Variants in DYNC2I1 observed in about 807,000 individuals in gnomAD.
The protein encoded by DYNC2I1 is dynein 2 intermediate chain 1, also known as cytoplasmic dynein 2 intermediate chain 1.
DYNC2I1 carries 89 observed loss-of-function variants against 133.4 expected under a neutral mutation model. The ratio of observed to expected loss-of-function variants is 0.67; its 90% CI spans 0.56 to 0.80. The LOEUF (loss-of-function observed/expected upper bound fraction) is 0.80, where lower values mean the gene tolerates loss of function less well. Among genes scored for constraint, DYNC2I1 ranks in the 30% least tolerant of loss-of-function variants. DYNC2I1 has a pLI of 0.00. For synonymous variants in DYNC2I1, 504 were observed against 484.3 expected, an observed-to-expected ratio of 1.04 and a Z score of -0.54; for missense variants, 1,291 against 1,314.5, an observed-to-expected ratio of 0.98 and a Z score of 0.28.
At chr7:158,881,286 G>C (rs762709130) in intron 5 of DYNC2I1, among the ~76,000 whole-genome samples, 1 of 152,122 alleles carries the variant, frequency 6.6e-6, no homozygotes, top group Admixed American at 6.5e-5. Context: ...CAGGGCGTTG[G>C]CCGTGTTTCT....
chr7:158,910,172 G>A (rs76985304), intron 11 of DYNC2I1, among the ~76,000 whole-genome samples: 88 of 152,382 alleles, frequency 5.8e-4, no homozygotes, highest in Admixed American at 5.7e-3. Flanking sequence ...TAATGTTAGG[G>A]TGAAACTTAG....
At chr7:158,879,298 A>G (rs1375306916) in intron 4 of DYNC2I1, among the ~76,000 whole-genome samples, 2 of 152,076 alleles carry the variant, frequency 1.3e-5, no homozygotes, top group Non-Finnish European at 2.9e-5. Context: ...TAACATTTAT[A>G]AAGACAGCAC....
In DYNC2I1 at chr7:158,906,067, G is replaced by A. The variant is rs1299486002; in HGVS notation, c.1436G>A (p.Ser479Asn). The change falls in exon 11 of 25, where the codon AGT (serine) becomes AAT (asparagine). Residue 479 changes from serine to asparagine, a missense_variant. Transcript: ENST00000407559. ...DFASASHRQKSRTQALKQKMR... is the reference protein window; with the variant it reads ...DFASASHRQKNRTQALKQKMR... ...GCCTCAGCTTCACACCGTCAAAAGA[G>A]TCGGACTCAGGCCCTTAAGCAAAAG... The A allele has an allele frequency of 1.2e-6, 2 of 1,613,714 alleles. No homozygotes were observed. The highest frequency in any genetic ancestry group is 1.1e-5 in the South Asian group (1 of 90,982).
At chr7:158,856,811 C>A in intron 1 of DYNC2I1, 61 bp downstream of exon 1, 1 of 1,227,202 alleles carries the variant, frequency 8.1e-7, no homozygotes, top group Non-Finnish European at 1.0e-6. Context: ...CTTCGGGCGC[C>A]GCTAGCAGCG....
chr7:158,930,357 G>C (rs916306668), intron 20 of DYNC2I1, 98 bp from the exon 21 acceptor site: 9 of 1,033,948 alleles, frequency 8.7e-6, no homozygotes, highest in Non-Finnish European at 1.3e-5. Context: ...TCCTAACACA[G>C]ATATTTAAGC....
At chr7:158,895,388 A>C (rs1218474461) in intron 8 of DYNC2I1, among the ~76,000 whole-genome samples, 2 of 152,170 alleles carry the variant, frequency 1.3e-5, no homozygotes, top group African/African-American at 4.8e-5. Context: ...TTTTTTGTGG[A>C]GACTATCATT....
At chr7:158,911,253 G>A (rs778197982) in intron 11 of DYNC2I1, among the ~76,000 whole-genome samples, 3 of 152,204 alleles carry the variant, frequency 2.0e-5, no homozygotes, top group Non-Finnish European at 4.4e-5. Context: ...TGTGTGACTT[G>A]ATTTTGTGTT....
At chr7:158,950,671 C>T (rs1852026828), downstream of DYNC2I1, among the ~76,000 whole-genome samples, 2 of 146,642 alleles carry the variant, frequency 1.4e-5, no homozygotes, top group East Asian at 2.1e-4. Context: ...CTATATGATT[C>T]CAGGTGTGAT....
intron 11 of DYNC2I1, among the ~76,000 whole-genome samples, chr7:158,907,623 C>G (rs767551799): frequency 6.6e-6 from 1 of 151,022 alleles, no homozygotes; most frequent in Admixed American, 6.6e-5. Context: ...ACGTCTTCTG[C>G]TTTTGAGACA....
intron 17 of DYNC2I1, among the ~76,000 whole-genome samples, chr7:158,925,950 C>G (rs1185939467): frequency 6.6e-6 from 1 of 152,156 alleles, no homozygotes; most frequent in Non-Finnish European, 1.5e-5. Context: ...GCCTTCCAGA[C>G]TGGAGAGCAG....
At chr7:158,864,918 A>G (rs1842265830) in intron 1 of DYNC2I1, among the ~76,000 whole-genome samples, 1 of 152,228 alleles carries the variant, frequency 6.6e-6, no homozygotes, top group Non-Finnish European at 1.5e-5. Flanking sequence ...TTAGAAAGCA[A>G]GGGGAGAAGC....
intron 15 of DYNC2I1, among the ~76,000 whole-genome samples, chr7:158,920,806 C>G (rs1370248447): frequency 2.0e-5 from 3 of 152,198 alleles, no homozygotes; most frequent in Admixed American, 2.0e-4. Context: ...CAGAATTTGA[C>G]TCACATTAGA....
chr7:158,885,748 A>T (rs973357027), intron 6 of DYNC2I1, among the ~76,000 whole-genome samples: 2 of 152,172 alleles, frequency 1.3e-5, no homozygotes, highest in African/African-American at 4.8e-5. Context: ...TCTTACCCAA[A>T]TTTTTACAAG....
chr7:158,883,519 C>T (rs917670110), intron 5 of DYNC2I1, among the ~76,000 whole-genome samples: 3 of 151,468 alleles, frequency 2.0e-5, no homozygotes, highest in African/African-American at 7.3e-5. Context: ...TGCCTGGCCT[C>T]TATATGATTT....
chr7:158,874,734 G>GT (rs1420120102), intron 3 of DYNC2I1, among the ~76,000 whole-genome samples: 1 of 152,134 alleles, frequency 6.6e-6, no homozygotes, highest in Non-Finnish European at 1.5e-5. Flanking sequence ...TTTAAATACT[G>GT]TTTGTCTGTG....
chr7:158,938,605 A>C lies in DYNC2I1; in HGVS notation c.2779-3320A>C, dbSNP rs60338972. 5.8e-3 allele frequency among the ~76,000 whole-genome samples: 878 copies of C among 152,248 alleles called. 57 individuals carry two copies. The East Asian group carries it at 0.13, about 22-fold the overall frequency. ...AATATGTCTCTACTAAAAATATAAA[A>C]ATTAGCCAGATGTGGTGGCGGGCAC... On this transcript the variant is annotated intron_variant, in intron 23 of 24. Transcript: ENST00000407559.
chr7:158,850,964 G>A, the DYNC2I1 span, among the ~76,000 whole-genome samples: 4 of 151,596 alleles, frequency 2.6e-5, no homozygotes, highest in Non-Finnish European at 4.4e-5. Context: ...CTGCTTGGTC[G>A]TGAATGACAG....
intron 2 of DYNC2I1, among the ~76,000 whole-genome samples, chr7:158,870,853 T>C (rs1163292313): frequency 6.6e-6 from 1 of 152,156 alleles, no homozygotes; most frequent in Admixed American, 6.5e-5. Flanking sequence ...CACCCTCTAA[T>C]ACACGTAGTA....
intron 23 of DYNC2I1, among the ~76,000 whole-genome samples, chr7:158,940,185 A>AT (rs756351923): frequency 6.6e-5 from 10 of 152,078 alleles, no homozygotes; most frequent in Non-Finnish European, 4.4e-5. Flanking sequence ...TGTGGAAGAC[A>AT]TTTTTTCCCA....
Sources: allele counts gnomAD v4.1 joint callset (sites outside exome capture counted in the v4.1 genomes callset), GRCh38; gene constraint gnomAD v4.1.1; transcripts MANE v1.5; gene names NCBI Gene and HGNC (gene_info 2026-07-23, HGNC 2026-07-21).